SPAG9: variants seen among roughly 807,000 people sequenced by gnomAD.
SPAG9 encodes C-Jun-amino-terminal kinase-interacting protein 4.
Under a neutral mutation model 166.5 loss-of-function variants are expected in SPAG9, and 35 were observed. The ratio of observed to expected loss-of-function variants is 0.21; its 90% CI spans 0.16 to 0.28. SPAG9 has a LOEUF of 0.28. Ranked by LOEUF, SPAG9 falls within the 10% of genes least tolerant of loss-of-function variation. The pLI is 1.00. For synonymous variants in SPAG9, 534 were observed against 565.5 expected (o/e 0.94, Z 0.79); for missense variants, 1,235 against 1,603.3 (o/e 0.77, Z 3.92).
chr17:51,070,373 C>T (rs2047790760), intron 2 of SPAG9, among the ~76,000 whole-genome samples: 1 of 152,144 alleles, frequency 6.6e-6, no homozygotes, highest in Admixed American at 6.6e-5. Context: ...ACTACTAACC[C>T]TTACTTCTCC....
At position 50,993,851 on chromosome 17, in the gene SPAG9, G is replaced by T. The variant is rs745439163; in HGVS notation, c.2311C>A (p.Leu771Ile). 8.7e-6 allele frequency: 14 copies of T among 1,614,034 alleles called. No individual in the cohort carries two copies. The highest frequency in any genetic ancestry group is 1.1e-5 in the South Asian group (1 of 91,080). Residue 771 changes from leucine to isoleucine, a missense_variant, in exon 19 of 30, where the codon CTT becomes ATT. Physicochemically the swap from Leu to Ile is conservative, Grantham distance 5. This residue lies in a region of SPAG9 where 493 missense variants were observed against 559.4 expected (regional missense o/e 0.88). Transcript: ENST00000262013. ...CTSTHSATKV[L>I]IIDAVQPGNI... Reference sequence around the variant, plus strand: ...CCAGGTTGAACAGCATCAATAATAAGAACTTTTGTAGCCGAATGAGTGCTG... The same window carrying T: ...CCAGGTTGAACAGCATCAATAATAATAACTTTTGTAGCCGAATGAGTGCTG...
intron 1 of SPAG9, among the ~76,000 whole-genome samples, chr17:51,080,138 A>G (rs118055516): frequency 6.6e-6 from 1 of 152,318 alleles, no homozygotes; most frequent in East Asian, 1.9e-4. Context: ...ATTCCTAAGA[A>G]AAGGACATGT....
intron 2 of SPAG9, among the ~76,000 whole-genome samples, chr17:51,070,578 T>C: frequency 6.6e-6 from 1 of 152,228 alleles, no homozygotes; most frequent in Non-Finnish European, 1.5e-5. Flanking sequence ...GTTTTTGGTT[T>C]TTTTATTTTA....
At chr17:51,056,105 C>G (rs576790383) in intron 3 of SPAG9, among the ~76,000 whole-genome samples, 1 of 152,282 alleles carries the variant, frequency 6.6e-6, no homozygotes, top group East Asian at 1.9e-4. Context: ...CTAAGCATCA[C>G]AGAAACTTCA....
chr17:51,094,446 T>G (rs1454470651), intron 1 of SPAG9, among the ~76,000 whole-genome samples: 11 of 152,300 alleles, frequency 7.2e-5, no homozygotes. Context: ...TATGCTATTT[T>G]TAAAAGTAGT....
chr17:50,967,218 G>T (rs1473858920), intron 29 of SPAG9, among the ~76,000 whole-genome samples: 1 of 152,134 alleles, frequency 6.6e-6, no homozygotes, highest in Non-Finnish European at 1.5e-5. Context: ...GGGTTATTTT[G>T]GCACAACCCA....
At chr17:51,068,510 G>T (rs1322828565) in intron 2 of SPAG9, among the ~76,000 whole-genome samples, 1 of 152,134 alleles carries the variant, frequency 6.6e-6, no homozygotes, top group Non-Finnish European at 1.5e-5. Flanking sequence ...CAACAAAGCT[G>T]ATGATTCTCC....
rs566824872 is a variant in SPAG9, at chr17:51,076,511, G to A, written c.424+3073C>T. Among the ~76,000 whole-genome samples, 22 of 152,182 alleles carry A rather than the reference G, an allele frequency of 1.4e-4. No homozygotes were observed. In the South Asian group the frequency reaches 2.5e-3, roughly 17 times the overall value. ...AGTACTTTGGGAGGCCGAGGCAGGC[G>A]GATCACCTGAGGTTGGGAGTTCGAG... On this transcript the variant is annotated intron_variant, in intron 2 of 29. Coordinates refer to ENST00000262013, the MANE Select transcript of SPAG9 (RefSeq NM_001130528.3).
At position 50,974,768 on chromosome 17, in the gene SPAG9, T is replaced by C. The variant is rs1322896457; in HGVS notation, c.3700+3A>G. 5 of 1,593,674 alleles carry C rather than the reference T, an allele frequency of 3.1e-6. No individual in the cohort carries two copies. Among genetic ancestry groups the C allele is most frequent in the East Asian group, 2.2e-5 (1 of 44,478 alleles). On this transcript the variant is annotated splice_donor_region_variant and intron_variant, in intron 28 of 29. Coordinates refer to ENST00000262013, the MANE Select transcript of SPAG9 (RefSeq NM_001130528.3). ...AACATCTCAACAGAATAATCTAACA[T>C]ACCTGGGACTGCCACAAAGAATTTC... is the stretch of plus-strand genomic sequence containing the variant.
At chr17:51,030,499 A>G (rs2046343485) in intron 6 of SPAG9, among the ~76,000 whole-genome samples, 1 of 152,182 alleles carries the variant, frequency 6.6e-6, no homozygotes, top group Non-Finnish European at 1.5e-5. Context: ...CCCCAAGTAA[A>G]AGTAAGTCTC....
chr17:51,009,088 G>C (rs1192370730), intron 9 of SPAG9: 1 of 442,922 alleles, frequency 2.3e-6, no homozygotes. Context: ...AGAACACCTA[G>C]CTTAAAAAGC....
intron 12 of SPAG9, among the ~76,000 whole-genome samples, chr17:51,003,679 TGGA>T (rs2045065518): frequency 1.3e-5 from 2 of 152,220 alleles, no homozygotes; most frequent in African/African-American, 4.8e-5. Flanking sequence ...ATCCACATTT[TGGA>T]TCAAAGCTGA....
chr17:51,004,623 G>A (rs748587025), intron 12 of SPAG9, among the ~76,000 whole-genome samples: 20 of 152,002 alleles, frequency 1.3e-4, no homozygotes, highest in African/African-American at 3.1e-4. Flanking sequence ...CCAGCTCCTC[G>A]GGAGGCTGAG....
intron 8 of SPAG9, among the ~76,000 whole-genome samples, chr17:51,017,499 C>T (rs1224400578): frequency 4.7e-5 from 7 of 147,440 alleles, no homozygotes; most frequent in Non-Finnish European, 7.4e-5. Flanking sequence ...AGAAGAGTGG[C>T]GACAGAATGA....
intron 6 of SPAG9, among the ~76,000 whole-genome samples, chr17:51,028,527 T>C (rs1024062128): frequency 2.0e-5 from 3 of 152,210 alleles, no homozygotes; most frequent in Non-Finnish European, 4.4e-5. Context: ...GCCTACAATA[T>C]TCAGTACATG....
At chr17:51,051,005 AAAG>A (rs2047165189) in intron 3 of SPAG9, among the ~76,000 whole-genome samples, 1 of 151,126 alleles carries the variant, frequency 6.6e-6, no homozygotes, top group African/African-American at 2.5e-5. Flanking sequence ...GAAAGAAAGA[AAAG>A]AAAGGAAGAA....
intron 5 of SPAG9, among the ~76,000 whole-genome samples, chr17:51,033,152 A>G (rs1365229776): frequency 1.3e-5 from 2 of 152,038 alleles, no homozygotes; most frequent in Non-Finnish European, 2.9e-5. Context: ...AGCACGTCAT[A>G]CTTTTTTTGG....
At chr17:51,096,144 G>A (rs1318914796) in intron 1 of SPAG9, among the ~76,000 whole-genome samples, 1 of 150,068 alleles carries the variant, frequency 6.7e-6, no homozygotes, top group African/African-American at 2.4e-5. Flanking sequence ...TTAGGAGTTC[G>A]AGACCGGCCT....
chr17:51,115,693 G>T (rs1020790203), intron 1 of SPAG9, among the ~76,000 whole-genome samples: 26 of 152,044 alleles, frequency 1.7e-4, no homozygotes, highest in African/African-American at 6.3e-4. Context: ...AGCCAGGCGT[G>T]GTGGCGCATG....
Sources: gnomAD v4.1 joint callset for allele counts (sites outside exome capture counted in the v4.1 genomes callset) on GRCh38, gnomAD v4.1.1 for gene constraint, gnomAD v4.1.1 regional missense constraint, MANE v1.5 for transcripts, NCBI Gene and HGNC (gene_info 2026-07-23, HGNC 2026-07-21) for gene names.